Variants in DNAH5 observed in about 807,000 individuals in gnomAD.
DNAH5 encodes axonemal beta dynein heavy chain 5.
In DNAH5, 372 loss-of-function variants were observed where a neutral mutation model predicts 518.2. The ratio of observed to expected loss-of-function variants is 0.72; its 90% CI spans 0.66 to 0.78. The LOEUF (loss-of-function observed/expected upper bound fraction) is 0.78. DNAH5 is among the 30% of genes least tolerant of loss of function. DNAH5 has a pLI of 0.00. For synonymous variants in DNAH5, 2,039 were observed against 2,025.9 expected (o/e 1.01, Z -0.17); for missense variants, 5,523 against 5,687.0 (o/e 0.97, Z 0.93).
intron 1 of DNAH5, among the ~76,000 whole-genome samples, chr5:13,985,783 A>C (rs779911629): frequency 1.2e-4 from 18 of 152,096 alleles, no homozygotes; most frequent in Non-Finnish European, 2.1e-4. Flanking sequence ...CCAAGCAAGG[A>C]ACTTACACCA....
intron 70 of DNAH5, among the ~76,000 whole-genome samples, chr5:13,724,210 A>T (rs1016575861): frequency 1.3e-5 from 2 of 152,220 alleles, no homozygotes; most frequent in African/African-American, 4.8e-5. Flanking sequence ...AAGTTTTGGG[A>T]GCCCATCCCT....
chr5:13,996,056 G>A (rs953459934), intron 1 of DNAH5, among the ~76,000 whole-genome samples: 7 of 152,134 alleles, frequency 4.6e-5, no homozygotes, highest in Admixed American at 2.6e-4. Context: ...TAGCCTTGAC[G>A]GTAGAAAATT....
chr5:13,957,899 ATTC>A (rs1188374500), intron 1 of DNAH5, among the ~76,000 whole-genome samples: 1 of 151,694 alleles, frequency 6.6e-6, no homozygotes, highest in African/African-American at 2.4e-5. Flanking sequence ...ATTAACATAT[ATTC>A]TTCTACTCCA....
At position 13,928,132 on chromosome 5, in the gene DNAH5, A is replaced by AG; in HGVS notation, c.238dup (p.Leu80ProfsTer30). 1 of 1,613,982 alleles carries AG rather than the reference A, an allele frequency of 6.2e-7. No individual in the cohort carries two copies. The highest frequency in any genetic ancestry group is 8.5e-7 in the Non-Finnish European group (1 of 1,179,870). On this transcript the variant is annotated frameshift_variant, in exon 3 of 79. Transcript: ENST00000265104. LOFTEE classifies it high-confidence loss of function. The stretch of plus-strand genomic sequence containing the variant: ...CTCCACATCTTGATAGTAAAACATG[A>AG]GGTGTCGGAGACCTCCAACAGCAAA...
At chr5:13,965,979 A>AC (rs1307595316) in intron 1 of DNAH5, among the ~76,000 whole-genome samples, 44 of 149,774 alleles carry the variant, frequency 2.9e-4, no homozygotes, top group Admixed American at 8.0e-4. Flanking sequence ...ACTATCCCTC[A>AC]CCCCCCTCCC....
chr5:13,817,040 T>A (rs1393272775), intron 42 of DNAH5, among the ~76,000 whole-genome samples: 4 of 152,176 alleles, frequency 2.6e-5, no homozygotes, highest in Non-Finnish European at 5.9e-5. Context: ...CCTTAATGAG[T>A]TTGTTTAAAC....
At chr5:13,727,289 T>C (rs1745883315) in intron 70 of DNAH5, among the ~76,000 whole-genome samples, 1 of 152,182 alleles carries the variant, frequency 6.6e-6, no homozygotes, top group African/African-American at 2.4e-5. Flanking sequence ...ATTGTAGCCA[T>C]AGGTCAGAAA....
intron 65 of DNAH5, among the ~76,000 whole-genome samples, chr5:13,750,551 C>T (rs868421966): frequency 7.2e-5 from 11 of 152,196 alleles, no homozygotes; most frequent in Non-Finnish European, 1.3e-4. Flanking sequence ...GTGGCACAAA[C>T]TTCTGTCTTC....
chr5:13,822,304 G>A (rs773811672), intron 40 of DNAH5, among the ~76,000 whole-genome samples: 10 of 151,442 alleles, frequency 6.6e-5, no homozygotes, highest in African/African-American at 1.5e-4. Flanking sequence ...AGGCTGGAGT[G>A]CAGTGGTGTA....
intron 56 of DNAH5, among the ~76,000 whole-genome samples, chr5:13,769,831 G>A (rs111404580): frequency 1.8e-4 from 27 of 152,306 alleles, no homozygotes; most frequent in African/African-American, 6.3e-4. Flanking sequence ...CAAGAACAGC[G>A]AACCTGCTAG....
chr5:13,990,396 C>G (rs184782032), intron 1 of DNAH5, among the ~76,000 whole-genome samples: 3 of 151,628 alleles, frequency 2.0e-5, no homozygotes, highest in Non-Finnish European at 4.4e-5. Flanking sequence ...TCCAAACACA[C>G]GAAAAAATTA....
Position 13,829,506 on chromosome 5 carries a change from A to T in DNAH5, c.6444+4T>A. ...AAGTGCATAAGACCTCCAGGATGAC[A>T]CACCTGCTTAGAAAGCTGCTCCTCA... On this transcript the variant is annotated splice_donor_region_variant and intron_variant, in intron 38 of 78. Coordinates refer to ENST00000265104, the MANE Select transcript of DNAH5 (RefSeq NM_001369.3). The T allele has an allele frequency of 6.2e-7, 1 of 1,614,108 alleles. No individual in the cohort carries two copies. The highest frequency in any genetic ancestry group is 1.1e-5 in the South Asian group (1 of 91,074).
chr5:13,907,455 G>T (rs982461902), intron 12 of DNAH5, among the ~76,000 whole-genome samples: 10 of 151,976 alleles, frequency 6.6e-5, no homozygotes, highest in African/African-American at 1.9e-4. Flanking sequence ...AAAAGAACCT[G>T]GGGGAGAGAA....
In DNAH5 at chr5:13,781,234, C is replaced by T. The variant is rs141301504; in HGVS notation, c.8821-275G>A. On this transcript the variant is annotated intron_variant, in intron 52 of 78. Coordinates refer to ENST00000265104, the MANE Select transcript of DNAH5 (RefSeq NM_001369.3). ...CAACACACAGCCGAGACCGTGCTTG[C>T]TCTGGCTTTTAAAGGAGATATCTAT... Among the ~76,000 whole-genome samples the T allele has an allele frequency of 5.1e-3, 776 of 152,190 alleles. 3 individuals carry two copies. Among genetic ancestry groups the T allele is most frequent in the Non-Finnish European group, 7.0e-3 (476 of 68,020 alleles).
chr5:13,729,213 T>C lies in DNAH5; in HGVS notation c.11883+226A>G, dbSNP rs566213301. On this transcript the variant is annotated intron_variant, in intron 69 of 78. Coordinates refer to ENST00000265104, the MANE Select transcript of DNAH5 (RefSeq NM_001369.3). ...ACTAACATATGGCCCAGGATGGCAC[T>C]GGTTAAAGTTCCTGGGCACATTTCT... Among the ~76,000 whole-genome samples the C allele has an allele frequency of 2.0e-5, 3 of 152,342 alleles. No individual in the cohort carries two copies. The East Asian group carries it at 5.8e-4, about 29-fold the overall frequency.
chr5:13,804,463 G>A (rs1459935066), intron 47 of DNAH5, among the ~76,000 whole-genome samples: 3 of 152,210 alleles, frequency 2.0e-5, no homozygotes, highest in Non-Finnish European at 4.4e-5. Context: ...GAGATGCAGA[G>A]ACAAATGCTC....
chr5:13,925,208 T>C (rs1777740230), intron 3 of DNAH5, among the ~76,000 whole-genome samples: 1 of 152,040 alleles, frequency 6.6e-6, no homozygotes, highest in Non-Finnish European at 1.5e-5. Flanking sequence ...TCATGAGTAA[T>C]AAGATGTTAG....
intron 60 of DNAH5, among the ~76,000 whole-genome samples, chr5:13,761,191 T>C (rs1029554020): frequency 1.6e-4 from 24 of 152,230 alleles, no homozygotes; most frequent in African/African-American, 4.3e-4. Flanking sequence ...ATTGTTCTTA[T>C]GCAAGCCTTG....
intron 18 of DNAH5, among the ~76,000 whole-genome samples, chr5:13,885,572 T>C (rs1465022698): frequency 6.6e-6 from 1 of 152,124 alleles, no homozygotes; most frequent in Non-Finnish European, 1.5e-5. Flanking sequence ...GGGGGATAAT[T>C]TCCCTTCTTC....
Sources: allele counts gnomAD v4.1 joint callset (sites outside exome capture counted in the v4.1 genomes callset), GRCh38; gene constraint gnomAD v4.1.1; transcripts MANE v1.5; gene names NCBI Gene and HGNC (gene_info 2026-07-23, HGNC 2026-07-21).